The following FGF12 variants were observed in gnomAD, a reference collection of about 807,000 sequenced individuals.
FGF12 encodes the protein fibroblast growth factor 12B.
A neutral mutation model predicts 23.6 loss-of-function variants in FGF12; 14 were observed. That is an observed-to-expected ratio of 0.59 (90% confidence interval 0.39 to 0.93). The LOEUF (loss-of-function observed/expected upper bound fraction) is 0.93. Among genes scored for constraint, FGF12 ranks in the 40% least tolerant of loss-of-function variants. The pLI is 0.00. For synonymous variants in FGF12, 62 were observed against 77.3 expected (o/e 0.80, Z 1.04); for missense variants, 175 against 217.8 (o/e 0.80, Z 1.24).
chr3:192,383,036 T>C (rs115537358), intron 2 of FGF12, among the ~76,000 whole-genome samples: 1 of 152,142 alleles, frequency 6.6e-6, no homozygotes, highest in Non-Finnish European at 1.5e-5. Context: ...ATTAATTGCA[T>C]GTGGGCAGAA....
chr3:192,579,822 G>A (rs778930248), intron 2 of FGF12, among the ~76,000 whole-genome samples: 2 of 152,064 alleles, frequency 1.3e-5, no homozygotes, highest in Non-Finnish European at 1.5e-5. Flanking sequence ...CGATCATCTC[G>A]GCCTCCCCAA....
chr3:192,440,100 T>C (rs568990274), intron 2 of FGF12, among the ~76,000 whole-genome samples: 74 of 151,864 alleles, frequency 4.9e-4, no homozygotes, highest in African/African-American at 1.8e-3. Context: ...TTTTCAGGTA[T>C]TGGGAACAGC....
chr3:192,348,600 C>A (rs1198225657), intron 3 of FGF12, among the ~76,000 whole-genome samples: 4 of 151,990 alleles, frequency 2.6e-5, no homozygotes, highest in African/African-American at 7.2e-5. Context: ...CTTCTTAATG[C>A]CTTTTGAAAG....
At chr3:192,339,898 A>G (rs73193542) in intron 3 of FGF12, among the ~76,000 whole-genome samples, 131 of 152,282 alleles carry the variant, frequency 8.6e-4, no homozygotes, top group Non-Finnish European at 1.5e-3. Context: ...ATGTTATTAT[A>G]TGGGTTATGA....
At chr3:192,442,808 C>CTTTTT (rs764710938) in intron 2 of FGF12, among the ~76,000 whole-genome samples, 2 of 139,752 alleles carry the variant, frequency 1.4e-5, no homozygotes, top group Non-Finnish European at 1.6e-5. Context: ...TGTATTCTAT[C>CTTTTT]TTTTTTTTTT....
At chr3:192,436,934 G>A (rs1225031887) in intron 2 of FGF12, among the ~76,000 whole-genome samples, 4 of 152,166 alleles carry the variant, frequency 2.6e-5, no homozygotes, top group South Asian at 2.1e-4. Context: ...AATTATCTAC[G>A]TAAAAAATTT....
intron 2 of FGF12, among the ~76,000 whole-genome samples, chr3:192,601,098 A>C (rs1714097162): frequency 6.6e-6 from 1 of 152,138 alleles, no homozygotes; most frequent in Admixed American, 6.6e-5. Flanking sequence ...ATAAATACAC[A>C]ACGAAATACC....
chr3:192,290,365 C>T (rs1426800740), intron 4 of FGF12, among the ~76,000 whole-genome samples: 1 of 152,126 alleles, frequency 6.6e-6, no homozygotes, highest in Non-Finnish European at 1.5e-5. Context: ...ACTACACTGC[C>T]TACTGATCGT....
intron 2 of FGF12, among the ~76,000 whole-genome samples, chr3:192,474,911 A>G (rs1468481717): frequency 2.0e-5 from 3 of 151,174 alleles, no homozygotes; most frequent in Non-Finnish European, 2.9e-5. Context: ...GAAAGAAAGG[A>G]AAAAGAAAAA....
intron 2 of FGF12, among the ~76,000 whole-genome samples, chr3:192,634,408 T>C (rs961276635): frequency 6.6e-6 from 1 of 152,206 alleles, no homozygotes; most frequent in African/African-American, 2.4e-5. Context: ...AAATTAAAAG[T>C]AACTTAGACA....
chr3:192,195,777 C>T (rs1310108360), intron 4 of FGF12, among the ~76,000 whole-genome samples: 1 of 152,106 alleles, frequency 6.6e-6, no homozygotes. Flanking sequence ...TGTATACACA[C>T]ACACACGCAC....
At chr3:192,512,835 A>AATATATATATAT (rs773570110) in intron 2 of FGF12, among the ~76,000 whole-genome samples, 1,074 of 76,734 alleles carry the variant, frequency 0.014, 87 homozygotes, top group African/African-American at 0.064. Flanking sequence ...TACTCAAATA[A>AATATATATATAT]ATATATATAT....
At chr3:192,331,249 G>A (rs1460295080) in intron 4 of FGF12, among the ~76,000 whole-genome samples, 2 of 148,150 alleles carry the variant, frequency 1.3e-5, no homozygotes, top group Admixed American at 6.8e-5. Flanking sequence ...TGGAACTTTC[G>A]TGCACTGTTG....
intron 2 of FGF12, among the ~76,000 whole-genome samples, chr3:192,544,094 T>C (rs937766521): frequency 3.3e-5 from 5 of 152,178 alleles, no homozygotes; most frequent in South Asian, 4.1e-4. Flanking sequence ...CTGGTCTCAT[T>C]GCTCCCTCCA....
intron 5 of FGF12, among the ~76,000 whole-genome samples, chr3:192,157,283 C>T (rs1168152301): frequency 2.0e-5 from 3 of 152,172 alleles, no homozygotes; most frequent in Non-Finnish European, 4.4e-5. Flanking sequence ...CCCTGCAGTT[C>T]TGGTAACACA....
intron 3 of FGF12, among the ~76,000 whole-genome samples, chr3:192,337,115 G>T (rs1347081815): frequency 6.6e-6 from 1 of 152,142 alleles, no homozygotes; most frequent in African/African-American, 2.4e-5. Flanking sequence ...ACTAGACAAA[G>T]TCTAGTTGGG....
At chr3:192,380,339 A>C (rs1466964428) in intron 2 of FGF12, among the ~76,000 whole-genome samples, 1 of 152,182 alleles carries the variant, frequency 6.6e-6, no homozygotes, top group Non-Finnish European at 1.5e-5. Context: ...TTGTGAGATA[A>C]TTTATGGTTG....
intron 2 of FGF12, among the ~76,000 whole-genome samples, chr3:192,469,346 A>G (rs1723104623): frequency 6.6e-6 from 1 of 152,240 alleles, no homozygotes; most frequent in Non-Finnish European, 1.5e-5. Context: ...TAACACCTGC[A>G]TGTACACACC....
chr3:192,682,632 C>G (rs1271866622), intron 2 of FGF12, among the ~76,000 whole-genome samples: 9 of 152,170 alleles, frequency 5.9e-5, no homozygotes, highest in Admixed American at 5.9e-4. Flanking sequence ...TCCTGGGCTT[C>G]TGGGATGGAG....
Sources: allele counts gnomAD v4.1 joint callset (sites outside exome capture counted in the v4.1 genomes callset), GRCh38; gene constraint gnomAD v4.1.1; transcripts MANE v1.5; gene names NCBI Gene and HGNC (gene_info 2026-07-23, HGNC 2026-07-21).